Variants in VCF2 observed in about 807,000 individuals in gnomAD.
VCF2 encodes protein VCF2.
the VCF2 span, chrX:55,160,926 G>A: frequency 4.3e-6 from 5 of 1,161,143 alleles, no homozygotes; most frequent in East Asian, 3.3e-5. Flanking sequence ...CAAGCACGAA[G>A]GGCGGGGCAC....
At chrX:55,157,799 G>A in the VCF2 span, among the ~76,000 whole-genome samples, 3 of 111,647 alleles carry the variant, frequency 2.7e-5, no homozygotes, top group African/African-American at 9.8e-5. Flanking sequence ...TAAGCCACTT[G>A]TGTGTATATC....
the VCF2 span, among the ~76,000 whole-genome samples, chrX:55,154,602 C>A: frequency 8.9e-6 from 1 of 112,226 alleles, no homozygotes; most frequent in South Asian, 3.7e-4. Context: ...TGTGAAAAAG[C>A]AGGATTTAGG....
At chrX:55,143,856 C>T in the VCF2 span, 1 of 1,201,720 alleles carries the variant, frequency 8.3e-7, no homozygotes, top group Non-Finnish European at 1.1e-6. Context: ...CAGTTTATGA[C>T]ATAAACAGGT....
At chrX:55,157,486 C>T in the VCF2 span, among the ~76,000 whole-genome samples, 1 of 111,851 alleles carries the variant, frequency 8.9e-6, no homozygotes, top group East Asian at 2.8e-4. Flanking sequence ...GAGCCGAGAT[C>T]GTGCCACTGC....
At chrX:55,150,925 AT>A in the VCF2 span, among the ~76,000 whole-genome samples, 3 of 111,990 alleles carry the variant, frequency 2.7e-5, no homozygotes, top group Non-Finnish European at 5.6e-5. Context: ...ACTTCGAAAC[AT>A]TGTTTGAAAC....
chrX:55,155,369 G>A, the VCF2 span, among the ~76,000 whole-genome samples: 1 of 111,802 alleles, frequency 8.9e-6, no homozygotes, highest in Non-Finnish European at 1.9e-5. Context: ...ATTTTGCAAT[G>A]TATCAAGCAA....
chrX:55,159,425 TAAGTA>T, the VCF2 span, among the ~76,000 whole-genome samples: 1 of 112,399 alleles, frequency 8.9e-6, no homozygotes, highest in East Asian at 2.8e-4. Flanking sequence ...ACAAGAACTC[TAAGTA>T]AAGCCAAGCT....
the VCF2 span, among the ~76,000 whole-genome samples, chrX:55,149,299 T>C: frequency 9.0e-6 from 1 of 111,404 alleles, no homozygotes; most frequent in African/African-American, 3.3e-5. Flanking sequence ...GGTTAAATTT[T>C]TCTTTTAAAT....
At chrX:55,145,489 A>G in the VCF2 span, 1 of 754,100 alleles carries the variant, frequency 1.3e-6, no homozygotes, top group Non-Finnish European at 1.6e-6. Context: ...TTTCATGTTC[A>G]TAGTCTAAAC....
chrX:55,156,409 G>T, the VCF2 span, among the ~76,000 whole-genome samples: 3 of 112,182 alleles, frequency 2.7e-5, no homozygotes, highest in South Asian at 3.7e-4. Flanking sequence ...AAAGGCACCT[G>T]TAGAAACTTG....
chrX:55,151,071 C>T, the VCF2 span, among the ~76,000 whole-genome samples: 1 of 112,246 alleles, frequency 8.9e-6, no homozygotes, highest in Admixed American at 9.5e-5. Context: ...TGAGAAAAAT[C>T]TGAAGCATAT....
chrX:55,151,696 G>C, the VCF2 span, among the ~76,000 whole-genome samples: 1 of 111,712 alleles, frequency 9.0e-6, no homozygotes. Context: ...ATGAACTACA[G>C]TACACCTGTT....
chrX:55,155,172 G>C, the VCF2 span, among the ~76,000 whole-genome samples: 1 of 112,255 alleles, frequency 8.9e-6, no homozygotes, highest in South Asian at 3.7e-4. Flanking sequence ...CCAGAGAAGA[G>C]TTAGTGAGAG....
chrX:55,161,091 C>A, the VCF2 span: 273 of 1,204,770 alleles, frequency 2.3e-4, no homozygotes, highest in African/African-American at 4.1e-3. Context: ...ACCGTGGGGA[C>A]CAGAGCTCGG....
At chrX:55,160,388 T>C in the VCF2 span, among the ~76,000 whole-genome samples, 1 of 112,721 alleles carries the variant, frequency 8.9e-6, no homozygotes, top group Non-Finnish European at 1.9e-5. Flanking sequence ...TGCATTGTTT[T>C]TAAAACAGAG....
At chrX:55,151,987 G>A in the VCF2 span, among the ~76,000 whole-genome samples, 2 of 98,476 alleles carry the variant, frequency 2.0e-5, no homozygotes, top group African/African-American at 7.5e-5. Flanking sequence ...CGCCTCCCGG[G>A]TTCACGCCAT....
At chrX:55,160,095 T>G in the VCF2 span, among the ~76,000 whole-genome samples, 1 of 112,254 alleles carries the variant, frequency 8.9e-6, no homozygotes, top group Admixed American at 9.4e-5. Context: ...AAAAATCACG[T>G]AGAAAACTGC....
chrX:55,143,567 C>T, the VCF2 span: 5 of 262,950 alleles, frequency 1.9e-5, no homozygotes, highest in African/African-American at 2.8e-5. Flanking sequence ...AAAACACAGG[C>T]GCAAATTCTG....
chrX:55,155,506 C>T, the VCF2 span, among the ~76,000 whole-genome samples: 1 of 111,609 alleles, frequency 9.0e-6, no homozygotes, highest in Non-Finnish European at 1.9e-5. Context: ...TGCCAGGCAC[C>T]CAGGACAATG....
Sources: allele counts gnomAD v4.1 joint callset (sites outside exome capture counted in the v4.1 genomes callset), GRCh38; gene constraint gnomAD v4.1.1; transcripts MANE v1.5; gene names NCBI Gene and HGNC (gene_info 2026-07-23, HGNC 2026-07-21).